Variants in RORB observed in about 807,000 individuals in gnomAD.
RORB encodes nuclear receptor ROR-beta.
In RORB, 6 loss-of-function variants were observed where a neutral mutation model predicts 59.1. That is an observed-to-expected ratio of 0.10 (90% confidence interval 0.06 to 0.20). The LOEUF (loss-of-function observed/expected upper bound fraction) is 0.20, where lower values mean the gene tolerates loss of function less well. Among genes scored for constraint, RORB ranks in the 10% least tolerant of loss-of-function variants. The pLI is 1.00. For synonymous variants in RORB, 215 were observed against 204.5 expected (o/e 1.05, Z -0.44); for missense variants, 320 against 560.5 (o/e 0.57, Z 4.33).
At chr9:74,517,793 G>A (rs1378419159) in intron 1 of RORB, among the ~76,000 whole-genome samples, 1 of 151,918 alleles carries the variant, frequency 6.6e-6, no homozygotes, top group East Asian at 1.9e-4. Flanking sequence ...TAAGTTATAA[G>A]GTTCACATTC....
At chr9:74,640,058 C>T (rs1222058051) in intron 3 of RORB, among the ~76,000 whole-genome samples, 1 of 152,082 alleles carries the variant, frequency 6.6e-6, no homozygotes, top group Non-Finnish European at 1.5e-5. Flanking sequence ...TAAAAACAAC[C>T]ATCTAAATAA....
chr9:74,611,413 A>G (rs1823229718), intron 1 of RORB, among the ~76,000 whole-genome samples: 1 of 152,252 alleles, frequency 6.6e-6, no homozygotes, highest in Non-Finnish European at 1.5e-5. Flanking sequence ...AGAACCAACT[A>G]TGATTAAATA....
chr9:74,625,970 T>C (rs1823506579), intron 1 of RORB, among the ~76,000 whole-genome samples: 1 of 152,246 alleles, frequency 6.6e-6, no homozygotes, highest in African/African-American at 2.4e-5. Context: ...ATCAATGTGA[T>C]GCATTTTCTA....
intron 1 of RORB, among the ~76,000 whole-genome samples, chr9:74,592,482 A>T (rs1036868630): frequency 6.6e-6 from 1 of 152,170 alleles, no homozygotes; most frequent in Admixed American, 6.5e-5. Flanking sequence ...CTCTTCTTTT[A>T]CCACCCATTG....
chr9:74,649,133 A>T (rs147518545), intron 4 of RORB, among the ~76,000 whole-genome samples: 1 of 151,996 alleles, frequency 6.6e-6, no homozygotes, highest in South Asian at 2.1e-4. Flanking sequence ...TGTTTTTAGT[A>T]GAGACAGGGT....
chr9:74,633,434 C>G (rs1823651896), intron 2 of RORB, among the ~76,000 whole-genome samples: 1 of 152,150 alleles, frequency 6.6e-6, no homozygotes, highest in African/African-American at 2.4e-5. Flanking sequence ...TAGACTTTCT[C>G]CATCCAAAAG....
In RORB at chr9:74,543,431, C is replaced by T. The variant is rs192712039; in HGVS notation, c.7+45448C>T. Among the ~76,000 whole-genome samples, 863 of 152,242 alleles carry T rather than the reference C, an allele frequency of 5.7e-3. 6 individuals carry two copies. The highest frequency in any genetic ancestry group is 0.01 in the Middle Eastern group (3 of 294). Reference sequence around the variant, plus strand: ...ATTTGCTGTTTTAATTTCAAAGAATCCTCTTTGTTCATTCTTTATTATTTC... The same window carrying T: ...ATTTGCTGTTTTAATTTCAAAGAATTCTCTTTGTTCATTCTTTATTATTTC... On this transcript the variant is annotated intron_variant, in intron 1 of 9. Coordinates refer to ENST00000376896, the MANE Select transcript of RORB (RefSeq NM_006914.4).
At position 74,497,890 on chromosome 9, in the gene RORB, A is replaced by G; in HGVS notation, c.-87A>G. ...CAGCTCTTCGCCGACCACCTTCTTCACTCGTGCTGAGCGGGATTTTTGGGC... is the reference window on the plus strand; with the variant it reads ...CAGCTCTTCGCCGACCACCTTCTTCGCTCGTGCTGAGCGGGATTTTTGGGC... On this transcript the variant is annotated 5_prime_UTR_variant, in exon 1 of 10. Transcript: ENST00000376896. The G allele has an allele frequency of 1.3e-6, 2 of 1,520,886 alleles. No homozygotes were observed. The highest frequency in any genetic ancestry group is 1.8e-6 in the Non-Finnish European group (2 of 1,109,022). 94.2% of individuals were successfully genotyped at this position (1,520,886 alleles called of 1,614,324 possible). A position where few individuals can be genotyped will look rare whatever the true frequency, so the allele number is the denominator to read the frequency against.
At chr9:74,561,852 TC>T (rs759859624) in intron 1 of RORB, among the ~76,000 whole-genome samples, 8 of 152,224 alleles carry the variant, frequency 5.3e-5, no homozygotes, top group Non-Finnish European at 8.8e-5. Context: ...ATGATGTGTT[TC>T]TCTAATCTAT....
chr9:74,549,605 GAAGAAAGGAAGGAAGGAAGGAAGA>G (rs1563934613), intron 1 of RORB, among the ~76,000 whole-genome samples: 1,920 of 54,324 alleles, frequency 0.035, 85 homozygotes, highest in Admixed American at 0.067. Flanking sequence ...AGGAAGGAAG[GAAGAAAGGAAGGAAGGAAGGAAGA>G]AAGGAAAGAA....
chr9:74,611,524 G>A (rs975441879), intron 1 of RORB, among the ~76,000 whole-genome samples: 13 of 152,112 alleles, frequency 8.5e-5, no homozygotes, highest in African/African-American at 1.7e-4. Context: ...ATGAGCCATC[G>A]ATGTAAAACA....
intron 1 of RORB, among the ~76,000 whole-genome samples, chr9:74,577,925 C>T (rs1323354): frequency 0.19 from 29,107 of 151,942 alleles, 3,017 homozygotes; most frequent in African/African-American, 0.27. Context: ...CCACAGTTCT[C>T]GGGCCCCAAC....
chr9:74,511,253 G>T lies in RORB; in HGVS notation c.7+13270G>T, dbSNP rs114081430. On this transcript the variant is annotated intron_variant, in intron 1 of 9. Coordinates refer to ENST00000376896, the MANE Select transcript of RORB (RefSeq NM_006914.4). ...TTAGGTACTGGGGATAAAATGGTAA[G>T]CAAAAAAGACATCGTCCTGACCTCA... 6.1e-3 allele frequency among the ~76,000 whole-genome samples: 929 copies of T among 151,894 alleles called. 16 individuals carry two copies. The highest frequency in any genetic ancestry group is 0.022 in the African/African-American group (901 of 41,432).
rs552181177 is a variant in RORB, at chr9:74,534,523, C to T, written c.7+36540C>T. 1.6e-4 allele frequency among the ~76,000 whole-genome samples: 25 copies of T among 151,916 alleles called. 1 individual carries two copies. The South Asian group carries it at 3.5e-3, about 21-fold the overall frequency. On this transcript the variant is annotated intron_variant, in intron 1 of 9. Coordinates refer to ENST00000376896, the MANE Select transcript of RORB (RefSeq NM_006914.4). ...GCAGCTTGTTTAAGGGTCATTTGACCATATTTTGCCCCTGGCACCAGAGTG... is the reference window on the plus strand; with the variant it reads ...GCAGCTTGTTTAAGGGTCATTTGACTATATTTTGCCCCTGGCACCAGAGTG...
intron 1 of RORB, among the ~76,000 whole-genome samples, chr9:74,596,509 A>G (rs1415516425): frequency 6.6e-6 from 1 of 152,138 alleles, no homozygotes; most frequent in African/African-American, 2.4e-5. Flanking sequence ...AAGTAACTCC[A>G]TGGGTCTTGA....
At chr9:74,676,387 A>G (rs1330595088) in intron 9 of RORB, among the ~76,000 whole-genome samples, 5 of 152,266 alleles carry the variant, frequency 3.3e-5, no homozygotes, top group Non-Finnish European at 7.3e-5. Flanking sequence ...ACATATATCC[A>G]ACAGGAAGCC....
In RORB at chr9:74,609,465, C is replaced by A. The variant is rs936586244; in HGVS notation, c.8-20817C>A. Among the ~76,000 whole-genome samples, 4 of 151,950 alleles carry A rather than the reference C, an allele frequency of 2.6e-5. No individual in the cohort carries two copies. The East Asian group carries it at 7.7e-4, about 29-fold the overall frequency. ...TTTCTTTTTTTTCTTTTTAATATGA[C>A]CCATACTGCCTCCAGAAGGATACAT... is the stretch of plus-strand genomic sequence containing the variant. On this transcript the variant is annotated intron_variant, in intron 1 of 9. Coordinates refer to ENST00000376896, the MANE Select transcript of RORB (RefSeq NM_006914.4).
chr9:74,536,514 T>C (rs1826325118), intron 1 of RORB, among the ~76,000 whole-genome samples: 3 of 152,028 alleles, frequency 2.0e-5, no homozygotes, highest in Non-Finnish European at 4.4e-5. Flanking sequence ...GACAGAGCCA[T>C]TAGTTCAAAT....
At chr9:74,681,415 C>G (rs1824545581) in intron 9 of RORB, among the ~76,000 whole-genome samples, 1 of 152,228 alleles carries the variant, frequency 6.6e-6, no homozygotes, top group South Asian at 2.1e-4. Flanking sequence ...ATCGGCACTT[C>G]TGTTTCCACA....
Sources: allele counts gnomAD v4.1 joint callset (sites outside exome capture counted in the v4.1 genomes callset), GRCh38; gene constraint gnomAD v4.1.1; transcripts MANE v1.5; gene names NCBI Gene and HGNC (gene_info 2026-07-23, HGNC 2026-07-21).